The following PCGF6 variants were observed in gnomAD, a reference collection of about 807,000 sequenced individuals.
PCGF6 encodes polycomb group ring finger 6.
PCGF6 carries 24 observed loss-of-function variants against 45.5 expected under a neutral mutation model. The observed-to-expected ratio is 0.53, with a 90% CI of 0.38 to 0.74. The LOEUF (loss-of-function observed/expected upper bound fraction) is 0.74. Among genes scored for constraint, PCGF6 ranks in the 30% least tolerant of loss-of-function variants. The pLI is 0.00. For missense variants in PCGF6, 356 were observed against 443.2 expected, an observed-to-expected ratio of 0.80 and a Z score of 1.77; for synonymous variants, 152 against 162.1, an observed-to-expected ratio of 0.94 and a Z score of 0.47.
chr10:103,342,169 C>G (rs2093283161), intron 6 of PCGF6, among the ~76,000 whole-genome samples: 1 of 151,904 alleles, frequency 6.6e-6, no homozygotes. Context: ...CTCCTAATCT[C>G]AAGTGATCCG....
chr10:103,317,763 GT>G (rs199856362), intron 8 of PCGF6, among the ~76,000 whole-genome samples: 10 of 147,262 alleles, frequency 6.8e-5, no homozygotes, highest in Middle Eastern at 3.5e-3. Flanking sequence ...TCTTTTTTCT[GT>G]TTTTTTTTTG....
chr10:103,305,085 C>T (rs1187611672), intron 9 of PCGF6, among the ~76,000 whole-genome samples: 6 of 152,062 alleles, frequency 3.9e-5, no homozygotes, highest in Non-Finnish European at 7.4e-5. Context: ...ACCTCAGCTT[C>T]GCAACTAGCT....
At chr10:103,345,238 T>C (rs943488700) in intron 5 of PCGF6, 106 bp from the exon 6 acceptor site, 19 of 769,298 alleles carry the variant, frequency 2.5e-5, no homozygotes, top group Non-Finnish European at 3.9e-5. Flanking sequence ...ATTTAAAAGA[T>C]CATAAACCAC....
In PCGF6 at chr10:103,303,882, T is replaced by C; in HGVS notation, c.*23A>G. The C allele has an allele frequency of 1.3e-6, 2 of 1,592,308 alleles. No individual in the cohort carries two copies. Among genetic ancestry groups the C allele is most frequent in the Non-Finnish European group, 8.6e-7 (1 of 1,162,074 alleles). On this transcript the variant is annotated 3_prime_UTR_variant, in exon 10 of 10. Transcript: ENST00000369847. The stretch of plus-strand genomic sequence containing the variant: ...CCTGCAGAAGCCTCCTTTGTTTCCC[T>C]CCTCATAATGTGCCTAGAATCTTCA...
At chr10:103,315,968 ATGTGTGTG>A (rs755606997) in intron 8 of PCGF6, among the ~76,000 whole-genome samples, 2 of 118,968 alleles carry the variant, frequency 1.7e-5, no homozygotes, top group African/African-American at 2.9e-5. Flanking sequence ...AACAGCTTAT[ATGTGTGTG>A]TGTGTGTGTG....
intron 6 of PCGF6, among the ~76,000 whole-genome samples, chr10:103,336,792 T>C (rs534015864): frequency 5.1e-4 from 78 of 152,232 alleles, no homozygotes; most frequent in African/African-American, 1.9e-3. Flanking sequence ...GGAGAATCAC[T>C]TGAACCCGGG....
At chr10:103,342,503 G>C (rs1004651211) in intron 6 of PCGF6, among the ~76,000 whole-genome samples, 8 of 152,076 alleles carry the variant, frequency 5.3e-5, no homozygotes, top group African/African-American at 1.9e-4. Flanking sequence ...CAAAGTGCTG[G>C]GATTACAGGT....
At chr10:103,337,006 T>C (rs766383999) in intron 6 of PCGF6, among the ~76,000 whole-genome samples, 1 of 152,202 alleles carries the variant, frequency 6.6e-6, no homozygotes, top group African/African-American at 2.4e-5. Context: ...GGTAACCCTT[T>C]AAAGATTTTA....
intron 9 of PCGF6, 68 bp from the exon 10 acceptor site, chr10:103,304,029 A>C: frequency 7.6e-7 from 1 of 1,324,470 alleles, no homozygotes. Context: ...GATCAAGTCA[A>C]AGCTGGCTTA....
intron 1 of PCGF6, among the ~76,000 whole-genome samples, chr10:103,350,073 A>T (rs2093315583): frequency 6.7e-6 from 1 of 150,220 alleles, no homozygotes; most frequent in East Asian, 2.0e-4. Flanking sequence ...ACAGAGCGAG[A>T]CTCCGTCTCA....
chr10:103,325,467 C>G (rs1256881032), intron 8 of PCGF6, among the ~76,000 whole-genome samples: 1 of 152,074 alleles, frequency 6.6e-6, no homozygotes, highest in East Asian at 1.9e-4. Flanking sequence ...GTTGGTCAGG[C>G]TGGAATTCCT....
chr10:103,331,527 G>C (rs1287964538), intron 7 of PCGF6, among the ~76,000 whole-genome samples: 1 of 152,120 alleles, frequency 6.6e-6, no homozygotes, highest in Non-Finnish European at 1.5e-5. Flanking sequence ...CAACGTGCTA[G>C]GATTACAGGC....
intron 9 of PCGF6, among the ~76,000 whole-genome samples, chr10:103,310,807 C>T (rs1287373511): frequency 6.6e-6 from 1 of 152,024 alleles, no homozygotes; most frequent in Admixed American, 6.6e-5. Flanking sequence ...GTCAATCAAT[C>T]TTCTCCCTCC....
At chr10:103,333,641 C>A (rs1472366129) in intron 7 of PCGF6, among the ~76,000 whole-genome samples, 1 of 152,100 alleles carries the variant, frequency 6.6e-6, no homozygotes, top group East Asian at 1.9e-4. Flanking sequence ...ATATTTAATT[C>A]TAAATGCCAA....
Position 103,303,943 on chromosome 10 carries a change from G to A in PCGF6, c.1015C>T (p.His339Tyr), listed in dbSNP as rs1194647592. ...AGAGGAGAAACCACAAGACCATAATGAAGGACAAGCAGACCATCCTGAAAA... is the reference window on the plus strand; with the variant it reads ...AGAGGAGAAACCACAAGACCATAATAAAGGACAAGCAGACCATCCTGAAAA... ...AAMQDGLLVL[H>Y]YGLVVSPLKI... is the part of the protein sequence containing the mutation. The change falls in exon 10 of 10, where the codon CAT becomes TAT. Residue 339 changes from histidine to tyrosine, a missense_variant. His to Tyr is a moderately conservative substitution (Grantham distance 83). This residue lies in a region of PCGF6 where 49 missense variants were observed against 93.0 expected (regional missense o/e 0.53). Transcript: ENST00000369847. The A allele has an allele frequency of 1.2e-6, 2 of 1,613,570 alleles. No homozygotes were observed. The highest frequency in any genetic ancestry group is 4.5e-5 in the East Asian group (2 of 44,860).
chr10:103,343,811 C>T (rs182606104), intron 6 of PCGF6, among the ~76,000 whole-genome samples: 209 of 67,396 alleles, frequency 3.1e-3, no homozygotes, highest in African/African-American at 0.011. Flanking sequence ...CCAGCCTGGG[C>T]GACAGAGTAA....
intron 7 of PCGF6, among the ~76,000 whole-genome samples, chr10:103,328,955 C>T (rs1396629482): frequency 6.6e-6 from 1 of 151,610 alleles, no homozygotes; most frequent in Non-Finnish European, 1.5e-5. Flanking sequence ...CTGTGTTAGC[C>T]AGGATGGTCT....
At chr10:103,326,067 G>A (rs1231656022) in intron 8 of PCGF6, among the ~76,000 whole-genome samples, 5 of 152,030 alleles carry the variant, frequency 3.3e-5, no homozygotes. Flanking sequence ...TGTGATTAAA[G>A]CTGGAGGTGT....
chr10:103,320,771 G>GTC (rs1222784759), intron 8 of PCGF6, among the ~76,000 whole-genome samples: 1 of 152,014 alleles, frequency 6.6e-6, no homozygotes, highest in East Asian at 1.9e-4. Flanking sequence ...AAACTTTAAA[G>GTC]TTTAACAGTC....
Sources: allele counts gnomAD v4.1 joint callset (sites outside exome capture counted in the v4.1 genomes callset), GRCh38; gene constraint gnomAD v4.1.1; regional missense constraint gnomAD v4.1.1; transcripts MANE v1.5; gene names NCBI Gene and HGNC (gene_info 2026-07-23, HGNC 2026-07-21).